MICALL1: variants seen among roughly 807,000 people sequenced by gnomAD.
MICALL1 encodes MICAL-like protein 1.
A neutral mutation model predicts 83.7 loss-of-function variants in MICALL1; 61 were observed. The ratio of observed to expected loss-of-function variants is 0.73; its 90% CI spans 0.59 to 0.90. The LOEUF (loss-of-function observed/expected upper bound fraction) is 0.90, where lower values mean the gene tolerates loss of function less well. MICALL1 is among the 40% of genes least tolerant of loss of function. MICALL1 has a pLI of 0.00. For synonymous variants in MICALL1, 481 were observed against 473.6 expected, an observed-to-expected ratio of 1.02 and a Z score of -0.20; for missense variants, 1,066 against 1,152.0, an observed-to-expected ratio of 0.93 and a Z score of 1.08.
At position 37,941,312 on chromosome 22, in the gene MICALL1, C is replaced by T. The variant is rs965581071; in HGVS notation, c.*482C>T. ...TGTCTTCCTGTCCTGTGCAGGCGCCCTTGGATCTCAGTTTCCCTCACTCAG... is the reference window on the plus strand; with the variant it reads ...TGTCTTCCTGTCCTGTGCAGGCGCCTTTGGATCTCAGTTTCCCTCACTCAG... On this transcript the variant is annotated 3_prime_UTR_variant, in exon 16 of 16. Transcript: ENST00000215957. 2 of 157,444 alleles carry T rather than the reference C, an allele frequency of 1.3e-5. No homozygotes were observed. The highest frequency in any genetic ancestry group is 1.4e-5 in the Non-Finnish European group (1 of 70,786). 9.8% of individuals were successfully genotyped at this position (157,444 alleles called of 1,614,324 possible).
chr22:37,921,852 A>G, intron 5 of MICALL1, 120 bp from the exon 6 acceptor site: 1 of 913,814 alleles, frequency 1.1e-6, no homozygotes, highest in South Asian at 1.8e-5. Flanking sequence ...TATGGAGTCG[A>G]GCTTGGCTGG....
In MICALL1 at chr22:37,924,691, G is replaced by T. The variant is rs147560297; in HGVS notation, c.1056G>T (p.Pro352=). 6.2e-7 allele frequency: 1 copy of T among 1,612,250 alleles called. No homozygotes were observed. Among genetic ancestry groups the T allele is most frequent in the East Asian group, 2.2e-5 (1 of 44,684 alleles). The change falls in exon 7 of 16, where the codon CCG becomes CCT. Residue 352 remains proline, a synonymous_variant. Coordinates refer to ENST00000215957, the MANE Select transcript of MICALL1 (RefSeq NM_033386.4). The surrounding 1 kb of genome is among the most constrained non-coding windows in gnomAD (Gnocchi z 5.2). The part of the protein sequence containing the change: ...GRLHELPVPK[P]RGTPKPSEGT... ...TGCACGAACTGCCTGTCCCCAAGCC[G>T]AGGGGGACACCGAAGCCGTCCGAGG...
At chr22:37,913,834 C>T (rs1419148394) in intron 3 of MICALL1, among the ~76,000 whole-genome samples, 3 of 151,962 alleles carry the variant, frequency 2.0e-5, no homozygotes, top group Non-Finnish European at 4.4e-5. Context: ...TCAGCCCCTC[C>T]CTCCTGCCTC....
At chr22:37,910,929 G>A (rs781339520) in intron 1 of MICALL1, among the ~76,000 whole-genome samples, 2 of 152,230 alleles carry the variant, frequency 1.3e-5, no homozygotes, top group South Asian at 2.1e-4. Flanking sequence ...CCTCAGAGGC[G>A]GCGTGGCCTG....
chr22:37,912,141 G>C, intron 2 of MICALL1, 141 bp downstream of exon 2: 1 of 1,160,208 alleles, frequency 8.6e-7, no homozygotes, highest in Non-Finnish European at 1.3e-6. Flanking sequence ...CCCACCCTCT[G>C]CTTCCCACCA....
At chr22:37,923,969 G>A (rs1429635164) in intron 6 of MICALL1, among the ~76,000 whole-genome samples, 1 of 152,176 alleles carries the variant, frequency 6.6e-6, no homozygotes, top group Non-Finnish European at 1.5e-5. Flanking sequence ...ACCCCACATT[G>A]TAGAATGCTC....
intron 13 of MICALL1, among the ~76,000 whole-genome samples, chr22:37,933,446 C>T (rs1238410304): frequency 6.6e-6 from 1 of 152,160 alleles, no homozygotes; most frequent in Non-Finnish European, 1.5e-5. Flanking sequence ...CAGACTGTTC[C>T]TTCTTCTGCC....
In MICALL1 at chr22:37,927,764, T is replaced by G. The variant is rs1211513499; in HGVS notation, c.1819T>G (p.Leu607Val). 1 of 1,613,344 alleles carries G rather than the reference T, an allele frequency of 6.2e-7. No individual in the cohort carries two copies. Among genetic ancestry groups the G allele is most frequent in the Non-Finnish European group, 8.5e-7 (1 of 1,179,862 alleles). Residue 607 changes from leucine to valine, a missense_variant, in exon 9 of 16, where the codon TTG becomes GTG. Physicochemically the swap from Leu to Val is conservative, Grantham distance 32. Transcript: ENST00000215957. ...TGGCGCCACCCCAACGCCTCTCTTG[T>G]TGGTTGGAGACAGGAGCCCGGTGCC... is the stretch of plus-strand genomic sequence containing the variant. ...CSGATPTPLL[L>V]VGDRSPVPSP...
chr22:37,935,222 G>A (rs956654637), intron 13 of MICALL1, among the ~76,000 whole-genome samples: 3 of 150,838 alleles, frequency 2.0e-5, no homozygotes, highest in East Asian at 2.0e-4. Context: ...GTGAGCCACC[G>A]CGCCAAGCCC....
intron 8 of MICALL1, among the ~76,000 whole-genome samples, chr22:37,926,282 A>C (rs1019626160): frequency 6.6e-6 from 1 of 152,216 alleles, no homozygotes; most frequent in African/African-American, 2.4e-5. Context: ...GTGCTTAAGC[A>C]GGAGAGGCAG....
intron 9 of MICALL1, 56 bp downstream of exon 9, chr22:37,927,882 TG>T: frequency 6.6e-7 from 1 of 1,512,728 alleles, no homozygotes; most frequent in South Asian, 1.3e-5. Context: ...GATGCGGGTC[TG>T]GTCTCAGGGC....
At chr22:37,909,742 A>G (rs1005276592) in intron 1 of MICALL1, among the ~76,000 whole-genome samples, 2 of 152,248 alleles carry the variant, frequency 1.3e-5, no homozygotes, top group Non-Finnish European at 2.9e-5. Context: ...ATCCAGAATC[A>G]TGTCCAGGCA....
chr22:37,925,699 T>C lies in MICALL1; in HGVS notation c.1121T>C (p.Leu374Pro). The change falls in exon 8 of 16, where the codon CTG (leucine) becomes CCG (proline). Residue 374 changes from leucine (L) to proline (P), a missense_variant. Physicochemically the swap from Leu to Pro is moderately conservative, Grantham distance 98. Coordinates refer to ENST00000215957, the MANE Select transcript of MICALL1 (RefSeq NM_033386.4). ...AGGAAGGACCCCCCATGGATCACGC[T>C]GGTGCAGGCAGAACCAAAGAAGAAG... Reference protein sequence around the residue: ...APRKDPPWITLVQAEPKKKPA... With the variant: ...APRKDPPWITPVQAEPKKKPA... 6.2e-7 allele frequency: 1 copy of C among 1,607,476 alleles called. No individual in the cohort carries two copies. The highest frequency in any genetic ancestry group is 8.5e-7 in the Non-Finnish European group (1 of 1,178,660).
At chr22:37,914,000 T>C (rs554393562) in intron 3 of MICALL1, among the ~76,000 whole-genome samples, 3 of 150,098 alleles carry the variant, frequency 2.0e-5, no homozygotes, top group Admixed American at 6.7e-5. Flanking sequence ...TTCAGCCTCC[T>C]GAGTAGCTGG....
intron 9 of MICALL1, among the ~76,000 whole-genome samples, chr22:37,931,141 GCTC>G (rs1480204997): frequency 1.3e-5 from 2 of 152,218 alleles, no homozygotes; most frequent in Non-Finnish European, 1.5e-5. Flanking sequence ...CCCAGCTTGG[GCTC>G]ATGGGAAGTG....
At position 37,937,167 on chromosome 22, in the gene MICALL1, T is replaced by G. The variant is rs1213375553; in HGVS notation, c.2396T>G (p.Ile799Ser). 6.5e-7 allele frequency: 1 copy of G among 1,541,524 alleles called. No homozygotes were observed. The change falls in exon 14 of 16, where the codon ATC (isoleucine) becomes AGC (serine). Residue 799 changes from isoleucine (I) to serine (S), a missense_variant. Coordinates refer to ENST00000215957, the MANE Select transcript of MICALL1 (RefSeq NM_033386.4). ...VTLIEQRNAI[I>S]NCLDEDRQRE... ...CTCATTGAGCAGCGCAACGCTATCATCAACTGCCTGGATGAGGACCGGCAG... is the reference window on the plus strand; with the variant it reads ...CTCATTGAGCAGCGCAACGCTATCAGCAACTGCCTGGATGAGGACCGGCAG...
intron 1 of MICALL1, chr22:37,907,157 C>G (rs1295741484): frequency 1.3e-5 from 2 of 152,988 alleles, no homozygotes; most frequent in South Asian, 2.1e-4. Context: ...CCACGCCCCC[C>G]AACTTAGGAC....
chr22:37,918,782 G>A (rs1445163299), intron 4 of MICALL1, among the ~76,000 whole-genome samples: 1 of 152,224 alleles, frequency 6.6e-6, no homozygotes, highest in Non-Finnish European at 1.5e-5. Context: ...CAGGATTTTC[G>A]TGTTTCCGCA....
chr22:37,933,583 G>A (rs531929517), intron 13 of MICALL1, among the ~76,000 whole-genome samples: 2 of 152,262 alleles, frequency 1.3e-5, no homozygotes, highest in Admixed American at 6.5e-5. Flanking sequence ...CAGTGGACGT[G>A]GACTCTGTAC....
Sources: gnomAD v4.1 joint callset for allele counts (sites outside exome capture counted in the v4.1 genomes callset) on GRCh38, gnomAD v4.1.1 for gene constraint, Gnocchi (gnomAD v3.1) non-coding constraint, MANE v1.5 for transcripts, NCBI Gene and HGNC (gene_info 2026-07-23, HGNC 2026-07-21) for gene names.